Variants in LGSN observed in about 807,000 individuals in gnomAD.
LGSN encodes lengsin, lens protein with glutamine synthetase domain.
LGSN carries 21 observed loss-of-function variants against 19.5 expected under a neutral mutation model. That is an observed-to-expected ratio of 1.07 (90% confidence interval 0.76 to 1.55). The LOEUF (loss-of-function observed/expected upper bound fraction) is 1.55. Among genes scored for constraint, LGSN ranks in the 40% most tolerant of loss-of-function variants. LGSN has a pLI of 0.00. For missense variants in LGSN, 673 were observed against 608.5 expected (o/e 1.11, Z -1.12); for synonymous variants, 257 against 215.6 (o/e 1.19, Z -1.68).
At chr6:63,465,153 T>C in the LGSN span, among the ~76,000 whole-genome samples, 2 of 152,058 alleles carry the variant, frequency 1.3e-5, no homozygotes, top group African/African-American at 2.4e-5. Flanking sequence ...GTGCTACTAC[T>C]GCGCGTCTAT....
At chr6:63,440,471 A>G in the LGSN span, among the ~76,000 whole-genome samples, 4 of 152,206 alleles carry the variant, frequency 2.6e-5, no homozygotes, top group East Asian at 7.7e-4. Context: ...CTGTCTGCCT[A>G]AATTTTCCTG....
chr6:63,289,458 G>A (rs1387042470), intron 2 of LGSN, among the ~76,000 whole-genome samples: 1 of 152,110 alleles, frequency 6.6e-6, no homozygotes, highest in East Asian at 1.9e-4. Flanking sequence ...ATGATGAATA[G>A]CAGGCAGATA....
At chr6:63,328,305 T>C in the LGSN span, among the ~76,000 whole-genome samples, 6 of 152,208 alleles carry the variant, frequency 3.9e-5, 1 homozygote, top group South Asian at 8.3e-4. Flanking sequence ...GTCTGGACTA[T>C]AATTTGTTGG....
chr6:63,405,674 C>A, the LGSN span, among the ~76,000 whole-genome samples: 2 of 152,106 alleles, frequency 1.3e-5, no homozygotes, highest in African/African-American at 2.4e-5. Context: ...TCACACATAA[C>A]AATATTAACT....
the LGSN span, among the ~76,000 whole-genome samples, chr6:63,394,056 T>A: frequency 6.6e-6 from 1 of 152,098 alleles, no homozygotes; most frequent in East Asian, 1.9e-4. Flanking sequence ...TCACCTGAGG[T>A]CAGGAGTTTG....
the LGSN span, among the ~76,000 whole-genome samples, chr6:63,328,826 T>G: frequency 6.6e-6 from 1 of 152,248 alleles, no homozygotes; most frequent in Non-Finnish European, 1.5e-5. Context: ...CTGGGTTTCC[T>G]TGATTGGAGT....
At chr6:63,373,744 G>A in the LGSN span, among the ~76,000 whole-genome samples, 17 of 152,168 alleles carry the variant, frequency 1.1e-4, no homozygotes, top group Admixed American at 1.3e-4. Flanking sequence ...AGGCCAAGGC[G>A]GGCTGATCAA....
At chr6:63,332,711 G>A in the LGSN span, among the ~76,000 whole-genome samples, 2 of 152,104 alleles carry the variant, frequency 1.3e-5, no homozygotes, top group South Asian at 4.1e-4. Context: ...CAGGACAGAA[G>A]AGCAATCGAA....
the LGSN span, among the ~76,000 whole-genome samples, chr6:63,540,404 T>C: frequency 6.6e-6 from 1 of 152,062 alleles, no homozygotes; most frequent in Admixed American, 6.6e-5. Flanking sequence ...GCAGATTGCT[T>C]GAGGTCAGGA....
the LGSN span, among the ~76,000 whole-genome samples, chr6:63,486,281 T>C: frequency 6.5e-4 from 99 of 152,248 alleles, no homozygotes; most frequent in Non-Finnish European, 1.2e-3. Context: ...TAGATAAGAA[T>C]GGGAATTTGC....
At chr6:63,396,109 G>A in the LGSN span, 1 of 155,520 alleles carries the variant, frequency 6.4e-6, no homozygotes, top group Admixed American at 6.5e-5. Flanking sequence ...GACAGGGGCT[G>A]AAGCTCTGGC....
At chr6:63,391,199 G>T in the LGSN span, among the ~76,000 whole-genome samples, 3 of 152,192 alleles carry the variant, frequency 2.0e-5, no homozygotes, top group Non-Finnish European at 4.4e-5. Flanking sequence ...TATTTGCAAT[G>T]TATAAATGTC....
the LGSN span, among the ~76,000 whole-genome samples, chr6:63,495,469 T>TTTCTTTTTTTTG: frequency 8.4e-6 from 1 of 119,306 alleles, no homozygotes; most frequent in South Asian, 2.9e-4. Context: ...TTTTTTTTTT[T>TTTCTTTTTTTTG]TTTTTTTGAG....
the LGSN span, among the ~76,000 whole-genome samples, chr6:63,422,249 A>G: frequency 6.6e-6 from 1 of 152,128 alleles, no homozygotes; most frequent in African/African-American, 2.4e-5. Flanking sequence ...TTTTTAGTAG[A>G]GACAGGGTTT....
At chr6:63,374,518 T>C in the LGSN span, among the ~76,000 whole-genome samples, 1 of 152,198 alleles carries the variant, frequency 6.6e-6, no homozygotes, top group Non-Finnish European at 1.5e-5. Flanking sequence ...ATACATCACT[T>C]AGGATCATAA....
chr6:63,345,718 A>G, the LGSN span, among the ~76,000 whole-genome samples: 5 of 152,196 alleles, frequency 3.3e-5, no homozygotes, highest in Admixed American at 6.5e-5. Context: ...AGAATTAATC[A>G]CATGGCGACC....
chr6:63,348,191 A>C, the LGSN span, among the ~76,000 whole-genome samples: 1 of 152,132 alleles, frequency 6.6e-6, no homozygotes, highest in Non-Finnish European at 1.5e-5. Context: ...GAAAGAACAG[A>C]CTAATATAAA....
the LGSN span, among the ~76,000 whole-genome samples, chr6:63,389,263 T>C: frequency 6.6e-6 from 1 of 152,196 alleles, no homozygotes; most frequent in Non-Finnish European, 1.5e-5. Context: ...GTGAAACCTA[T>C]TTTCTACTCT....
chr6:63,438,607 C>T, the LGSN span, among the ~76,000 whole-genome samples: 6 of 151,866 alleles, frequency 4.0e-5, no homozygotes, highest in Non-Finnish European at 7.4e-5. Flanking sequence ...TGAAAAAATG[C>T]TCATCATCAC....
Sources: allele counts gnomAD v4.1 joint callset (sites outside exome capture counted in the v4.1 genomes callset), GRCh38; gene constraint gnomAD v4.1.1; transcripts MANE v1.5; gene names NCBI Gene and HGNC (gene_info 2026-07-23, HGNC 2026-07-21).